The following LARGE1 variants were observed in gnomAD, a reference collection of about 807,000 sequenced individuals.
LARGE1 encodes LARGE xylosyl- and glucuronyltransferase 1.
A neutral mutation model predicts 87.6 loss-of-function variants in LARGE1; 43 were observed. The observed-to-expected ratio is 0.49, with a 90% CI of 0.38 to 0.63. LARGE1 has a LOEUF of 0.63. Ranked by LOEUF, LARGE1 falls within the 30% of genes least tolerant of loss-of-function variation. LARGE1 has a pLI of 0.00. For missense variants in LARGE1, 802 were observed against 1,000.2 expected (o/e 0.80, Z 2.67); for synonymous variants, 434 against 394.6 (o/e 1.10, Z -1.18).
At chr22:33,671,371 A>T (rs1397531305) in intron 2 of LARGE1, among the ~76,000 whole-genome samples, 3 of 152,216 alleles carry the variant, frequency 2.0e-5, no homozygotes, top group African/African-American at 7.2e-5. Context: ...TTACACCTAA[A>T]CACTGAACCA....
rs761737103 is a variant in LARGE1, at chr22:33,277,054, T to C, written c.2073+6A>G. On this transcript the variant is annotated splice_donor_region_variant and intron_variant, in intron 14 of 14. Transcript: ENST00000397394. ...CCATACCAGGTGGATGCTCCGTTCT[T>C]CTCACCTGCACATCCAGCTCCATGA... The C allele has an allele frequency of 6.2e-7, 1 of 1,613,902 alleles. No individual in the cohort carries two copies. The highest frequency in any genetic ancestry group is 1.1e-5 in the South Asian group (1 of 91,078).
chr22:33,085,810 T>C, the LARGE1 span, among the ~76,000 whole-genome samples: 1 of 152,224 alleles, frequency 6.6e-6, no homozygotes, highest in Admixed American at 6.5e-5. Context: ...AGCTTGTTTA[T>C]ATGAGTGTGA....
chr22:33,494,315 G>A (rs1223293141), intron 6 of LARGE1, among the ~76,000 whole-genome samples: 1 of 152,206 alleles, frequency 6.6e-6, no homozygotes, highest in Non-Finnish European at 1.5e-5. Flanking sequence ...TGGCTTGTGT[G>A]TGCTGTTGTG....
At chr22:33,614,970 C>T (rs561674287) in intron 4 of LARGE1, among the ~76,000 whole-genome samples, 3 of 152,310 alleles carry the variant, frequency 2.0e-5, no homozygotes, top group Non-Finnish European at 2.9e-5. Flanking sequence ...GGACCATCTA[C>T]GCTTCACCCC....
intron 6 of LARGE1, among the ~76,000 whole-genome samples, chr22:33,458,337 C>T (rs1363662780): frequency 1.3e-5 from 2 of 152,154 alleles, no homozygotes; most frequent in East Asian, 1.9e-4. Flanking sequence ...ATCTCCTGAC[C>T]TCATGATCCG....
At chr22:33,416,444 GA>G (rs1179689539) in intron 7 of LARGE1, among the ~76,000 whole-genome samples, 1 of 152,022 alleles carries the variant, frequency 6.6e-6, no homozygotes, top group African/African-American at 2.4e-5. Flanking sequence ...CTAGCTCTCG[GA>G]ATTGTGTACA....
chr22:33,718,955 T>C (rs1026576456), intron 2 of LARGE1, among the ~76,000 whole-genome samples: 1 of 152,080 alleles, frequency 6.6e-6, no homozygotes, highest in South Asian at 2.1e-4. Context: ...CACACAGCTA[T>C]TTTTTGTACT....
At chr22:33,116,259 C>T in the LARGE1 span, 1 of 152,224 alleles carries the variant, frequency 6.6e-6, no homozygotes, top group Non-Finnish European at 1.5e-5. Context: ...ACCCTCCATC[C>T]TTAACAGGGC....
chr22:33,614,671 C>G (rs143493042), intron 4 of LARGE1, among the ~76,000 whole-genome samples: 2 of 152,270 alleles, frequency 1.3e-5, no homozygotes, highest in Non-Finnish European at 2.9e-5. Flanking sequence ...TCACCCCATC[C>G]AACGCAGCCC....
chr22:33,808,129 G>GA (rs1204544889), intron 1 of LARGE1, among the ~76,000 whole-genome samples: 1 of 152,216 alleles, frequency 6.6e-6, no homozygotes, highest in Non-Finnish European at 1.5e-5. Flanking sequence ...AGCAACAAAT[G>GA]AGAGTTCCTG....
intron 6 of LARGE1, among the ~76,000 whole-genome samples, chr22:33,441,428 T>C (rs1601851872): frequency 6.6e-6 from 1 of 152,154 alleles, no homozygotes; most frequent in Admixed American, 6.6e-5. Flanking sequence ...TCTTCTATAT[T>C]TAATAGGTAA....
intron 11 of LARGE1, among the ~76,000 whole-genome samples, chr22:33,233,746 A>G (rs1926122280): frequency 6.6e-6 from 1 of 152,188 alleles, no homozygotes; most frequent in African/African-American, 2.4e-5. Flanking sequence ...AGTACCACAG[A>G]CTGGTAACCA....
chr22:33,779,155 T>C (rs2085340162), intron 1 of LARGE1, among the ~76,000 whole-genome samples: 1 of 152,216 alleles, frequency 6.6e-6, no homozygotes, highest in East Asian at 1.9e-4. Flanking sequence ...TCTGCATACA[T>C]GGGATTTATC....
chr22:33,643,004 C>T (rs534800839), intron 3 of LARGE1, among the ~76,000 whole-genome samples: 1 of 152,240 alleles, frequency 6.6e-6, no homozygotes, highest in Non-Finnish European at 1.5e-5. Flanking sequence ...AGAAAATTAA[C>T]AAGAATATTC....
At chr22:33,706,069 G>A (rs912815145) in intron 2 of LARGE1, among the ~76,000 whole-genome samples, 11 of 152,194 alleles carry the variant, frequency 7.2e-5, no homozygotes, top group East Asian at 3.8e-4. Flanking sequence ...TAACTGCCCC[G>A]GTGGGCGACA....
intron 12 of LARGE1, among the ~76,000 whole-genome samples, chr22:33,301,340 T>G (rs1261591648): frequency 2.0e-5 from 3 of 152,190 alleles, no homozygotes; most frequent in Non-Finnish European, 2.9e-5. Flanking sequence ...GGTCAGAGGT[T>G]ACACTCTGGT....
chr22:33,115,509 A>G, the LARGE1 span, among the ~76,000 whole-genome samples: 2 of 151,050 alleles, frequency 1.3e-5, no homozygotes, highest in Admixed American at 1.3e-4. Flanking sequence ...ATTCAATATG[A>G]CTGGTGTCCC....
intron 6 of LARGE1, among the ~76,000 whole-genome samples, chr22:33,458,360 TC>T (rs1289616934): frequency 8.5e-5 from 13 of 152,186 alleles, no homozygotes; most frequent in African/African-American, 3.1e-4. Flanking sequence ...CGCCTTGGCC[TC>T]CCAAAGTGCT....
At chr22:33,573,243 A>G (rs2148830274) in intron 5 of LARGE1, among the ~76,000 whole-genome samples, 1 of 152,304 alleles carries the variant, frequency 6.6e-6, no homozygotes, top group East Asian at 1.9e-4. Flanking sequence ...GTTCAAGACC[A>G]GCCTGGCCAA....
Sources: allele counts gnomAD v4.1 joint callset (sites outside exome capture counted in the v4.1 genomes callset), GRCh38; gene constraint gnomAD v4.1.1; transcripts MANE v1.5; gene names NCBI Gene and HGNC (gene_info 2026-07-23, HGNC 2026-07-21).